TTN: variants seen among roughly 807,000 people sequenced by gnomAD.
TTN encodes the protein connectin.
Under a neutral mutation model 3,223.0 loss-of-function variants are expected in TTN, and 1,525 were observed. The observed-to-expected ratio is 0.47, with a 90% CI of 0.45 to 0.49. The LOEUF (loss-of-function observed/expected upper bound fraction) is 0.49, where lower values mean the gene tolerates loss of function less well. TTN is among the 20% of genes least tolerant of loss of function. TTN has a pLI of 0.00. For synonymous variants in TTN, 14,094 were observed against 15,161.0 expected, an observed-to-expected ratio of 0.93 and a Z score of 5.17; for missense variants, 40,786 against 43,424.0, an observed-to-expected ratio of 0.94 and a Z score of 5.40.
intron 135 of TTN, 94 bp from the exon 136 acceptor site, chr2:178,681,832 T>C (rs1303364525): frequency 2.7e-6 from 3 of 1,094,302 alleles, no homozygotes; most frequent in Non-Finnish European, 3.9e-6. Flanking sequence ...TAATATCTTT[T>C]ATCTACAGTA....
Position 178,649,829 on chromosome 2 carries a change from G to A in TTN, c.39883C>T (p.Pro13295Ser). ...TTAACATGAGTACCTTTAGGAGGCG[G>A]TGCTTCTGGTTTTTTGATGACAGGA... ...KVPVIKKPEA[P>S]PPKEPEMPKK... Residue 13295 changes from proline (P) to serine (S), a missense_variant, in exon 211 of 363, where the codon CCG (proline) becomes TCG (serine). Pro to Ser is a moderately conservative substitution (Grantham distance 74). Coordinates refer to ENST00000589042, the MANE Select transcript of TTN (RefSeq NM_001267550.2). 1.2e-6 allele frequency: 2 copies of A among 1,612,494 alleles called. No individual in the cohort carries two copies. The highest frequency in any genetic ancestry group is 1.1e-5 in the South Asian group (1 of 90,628).
chr2:178,739,691 C>A lies in TTN; in HGVS notation c.13542G>T (p.Gln4514His). 6.2e-7 allele frequency: 1 copy of A among 1,613,918 alleles called. No homozygotes were observed. The highest frequency in any genetic ancestry group is 8.5e-7 in the Non-Finnish European group (1 of 1,179,830). Residue 4514 changes from glutamine to histidine, a missense_variant, in exon 48 of 363, where the codon CAG becomes CAT. Gln to His is a conservative substitution (Grantham distance 24, BLOSUM62 0). Transcript: ENST00000589042. ...QEEMDSFSGS[Q>H]KVEPITEPEV... Reference sequence around the variant, plus strand: ...CTGGTTCAGTAATGGGTTCAACCTTCTGTGAACCTGAAAAAGAATCCATTT... The same window carrying A: ...CTGGTTCAGTAATGGGTTCAACCTTATGTGAACCTGAAAAAGAATCCATTT...
rs776641064 is a variant in TTN at position 178,682,855 on chromosome 2, T to G, written c.32936A>C (p.Glu10979Ala). ...TTCTTCCCGTTGTACTGAAACAGCT[T>G]CTTCTTCTAGGGTATAAGCCCTTTC... Reference protein sequence around the residue: ...EKERAYTLEEEAVSVQREEEY... With the variant: ...EKERAYTLEEAAVSVQREEEY... The change falls in exon 135 of 363, where the codon GAA (glutamate) becomes GCA (alanine). Residue 10979 changes from glutamate (E) to alanine (A), a missense_variant. Glu to Ala is a moderately radical substitution (Grantham distance 107, BLOSUM62 -1). Transcript: ENST00000589042. The G allele has an allele frequency of 6.8e-6, 11 of 1,612,568 alleles. No individual in the cohort carries two copies. The highest frequency in any genetic ancestry group is 3.3e-5 in the Admixed American group (2 of 59,902).
rs533088757 is a variant in TTN, at chr2:178,779,481, G to T, written c.3730-19C>A. 8 of 1,411,460 alleles carry T rather than the reference G, an allele frequency of 5.7e-6. No homozygotes were observed. Among genetic ancestry groups the T allele is most frequent in the South Asian group, 3.6e-5 (3 of 84,360 alleles). The allele number at this position is 1,411,460 out of a possible 1,614,324, so 87.4% of individuals were successfully genotyped here. A position where few individuals can be genotyped will look rare whatever the true frequency, so the allele number is the denominator to read the frequency against. Reference sequence around the variant, plus strand: ...GGAATTCCTATGCAAAAAGATTATGGTCTGTTAAAAATACATATCCTTACT... The same window carrying T: ...GGAATTCCTATGCAAAAAGATTATGTTCTGTTAAAAATACATATCCTTACT... On this transcript the variant is annotated intron_variant, in intron 22 of 362. Coordinates refer to ENST00000589042, the MANE Select transcript of TTN (RefSeq NM_001267550.2).
chr2:178,706,730 G>C lies in TTN; in HGVS notation c.29144C>G (p.Ala9715Gly), dbSNP rs533172128. 46 of 1,607,972 alleles carry C rather than the reference G, an allele frequency of 2.9e-5. No homozygotes were observed. The highest frequency in any genetic ancestry group is 3.7e-5 in the Non-Finnish European group (43 of 1,176,790). ...QSIRVVEKTT[A>G]TFIAKVGGDP... Reference sequence around the variant, plus strand: ...ACCTCCAACTTTTGCAATGAAGGTCGCAGTGGTTTCTAAGGAATAATGAAA... The same window carrying C: ...ACCTCCAACTTTTGCAATGAAGGTCCCAGTGGTTTCTAAGGAATAATGAAA... The change falls in exon 102 of 363, where the codon GCG becomes GGG. Residue 9715 changes from alanine (A) to glycine (G), a missense_variant. By Grantham distance (60) the Ala-to-Gly change is moderately conservative. Coordinates refer to ENST00000589042, the MANE Select transcript of TTN (RefSeq NM_001267550.2).
At position 178,770,311 on chromosome 2, in the gene TTN, A is replaced by G. The variant is rs1561222466; in HGVS notation, c.8390T>C (p.Ile2797Thr). ...SARLHVETVK[I>T]IKKPKDVTAL... ...TGTCACATCCTTTGGCTTTTTAATGATCTTGACAGCTAAGAGGAAAATTGG... is the reference window on the plus strand; with the variant it reads ...TGTCACATCCTTTGGCTTTTTAATGGTCTTGACAGCTAAGAGGAAAATTGG... The change falls in exon 36 of 363, where the codon ATC becomes ACC. Residue 2797 changes from isoleucine (I) to threonine (T), a missense_variant. Transcript: ENST00000589042. 6.2e-7 allele frequency: 1 copy of G among 1,614,152 alleles called. No individual in the cohort carries two copies. The highest frequency in any genetic ancestry group is 8.5e-7 in the Non-Finnish European group (1 of 1,180,016).
At chr2:178,742,095 C>T (rs1258299162) in intron 47 of TTN, among the ~76,000 whole-genome samples, 174 bp from the exon 48 acceptor site, 1 of 151,970 alleles carries the variant, frequency 6.6e-6, no homozygotes, top group Non-Finnish European at 1.5e-5. Context: ...CTTAGCTTAA[C>T]ATATAAAATT....
At chr2:178,736,487 G>T (rs1342260633) in intron 49 of TTN, among the ~76,000 whole-genome samples, 1 of 152,148 alleles carries the variant, frequency 6.6e-6, no homozygotes, top group Non-Finnish European at 1.5e-5. Flanking sequence ...TAAGAAGATT[G>T]AAGTAGTTTT....
At position 178,718,833 on chromosome 2, in the gene TTN, A is replaced by G. The variant is rs1407865752; in HGVS notation, c.24367T>C (p.Ser8123Pro). 6.2e-7 allele frequency: 1 copy of G among 1,613,486 alleles called. No homozygotes were observed. The highest frequency in any genetic ancestry group is 2.2e-5 in the East Asian group (1 of 44,836). ...AAATCTTCCAGAGAGATGTTGCATG[A>G]CTCCCCAGGCACCAGTTCCCTGCTG... ...KGSRELVPGE[S>P]CNISLEDFVT... Residue 8123 changes from serine to proline, a missense_variant, in exon 84 of 363, where the codon TCA (serine) becomes CCA (proline). Physicochemically the swap from Ser to Pro is moderately conservative, Grantham distance 74. Coordinates refer to ENST00000589042, the MANE Select transcript of TTN (RefSeq NM_001267550.2).
Position 178,561,830 on chromosome 2 carries a change from G to A in TTN, c.84302C>T (p.Thr28101Ile), listed in dbSNP as rs1483336920. 3.1e-6 allele frequency: 5 copies of A among 1,613,558 alleles called. No homozygotes were observed. The highest frequency in any genetic ancestry group is 4.2e-6 in the Non-Finnish European group (5 of 1,179,764). The change falls in exon 326 of 363, where the codon ACA (threonine) becomes ATA (isoleucine). Residue 28101 changes from threonine to isoleucine, a missense_variant. Coordinates refer to ENST00000589042, the MANE Select transcript of TTN (RefSeq NM_001267550.2). ...IVEKKETTST[T>I]WHIVSQAVAR... ...AACTGCTTGTGAAACTATGTGCCAT[G>A]TTGTAGAGGTGGTTTCTTTCTTTTC...
At position 178,588,700 on chromosome 2, in the gene TTN, G is replaced by A. The variant is rs368452607; in HGVS notation, c.63025C>T (p.Arg21009Ter). ...FLEKKEKHST[R>*]WVPVNKSAIP... is the part of the protein sequence containing the mutation. Reference sequence around the variant, plus strand: ...GCACTCTTGTTGACAGGGACCCATCGTGTTGAATGCTTTTCCTTTTTCTCC... The same window carrying A: ...GCACTCTTGTTGACAGGGACCCATCATGTTGAATGCTTTTCCTTTTTCTCC... The change falls in exon 304 of 363, where the codon CGA becomes TGA. Residue 21009 changes from arginine (R) to a stop codon, truncating the protein, a stop_gained. Coordinates refer to ENST00000589042, the MANE Select transcript of TTN (RefSeq NM_001267550.2). LOFTEE classifies it high-confidence loss of function. 11 of 1,613,246 alleles carry A rather than the reference G, an allele frequency of 6.8e-6. No homozygotes were observed. The highest frequency in any genetic ancestry group is 1.1e-5 in the South Asian group (1 of 91,030).
rs373130280 is a variant in TTN at position 178,571,502 on chromosome 2, C to T, written c.74630G>A (p.Cys24877Tyr). The change falls in exon 326 of 363, where the codon TGT (cysteine) becomes TAT (tyrosine). Residue 24877 changes from cysteine (C) to tyrosine (Y), a missense_variant. Cys to Tyr is a radical substitution (Grantham distance 194). Coordinates refer to ENST00000589042, the MANE Select transcript of TTN (RefSeq NM_001267550.2). ...TIKACRLKTG[C>Y]EYQFRIAAEN... ...AGCTGCAATTCTAAACTGATATTCA[C>T]ATCCAGTCTTCAGTCTGCAAGCCTT... is the stretch of plus-strand genomic sequence containing the variant. 3.0e-5 allele frequency: 48 copies of T among 1,613,300 alleles called. No homozygotes were observed. The highest frequency in any genetic ancestry group is 3.9e-5 in the Non-Finnish European group (46 of 1,179,570).
Position 178,734,041 on chromosome 2 carries a change from A to G in TTN, c.15497-149T>C, listed in dbSNP as rs2081010316. 3.3e-6 allele frequency: 3 copies of G among 921,162 alleles called. No homozygotes were observed. The South Asian group carries it at 7.8e-5, about 24-fold the overall frequency. 57.1% of individuals were successfully genotyped at this position (921,162 alleles called of 1,614,324 possible). On this transcript the variant is annotated intron_variant, in intron 52 of 362. Coordinates refer to ENST00000589042, the MANE Select transcript of TTN (RefSeq NM_001267550.2). ...ATTAGAAGAAGAAATAAAAGTTAAGAATAATTATAATTCCATCCAAGAGAC... is the reference window on the plus strand; with the variant it reads ...ATTAGAAGAAGAAATAAAAGTTAAGGATAATTATAATTCCATCCAAGAGAC...
chr2:178,598,154 T>G (rs1207901071), intron 292 of TTN, 96 bp from the exon 293 acceptor site: 14 of 1,370,746 alleles, frequency 1.0e-5, no homozygotes, highest in Non-Finnish European at 1.4e-5. Flanking sequence ...CCTATTTAAC[T>G]GTTTACTCTG....
In TTN at chr2:178,768,783, G is replaced by A. The variant is rs761555504; in HGVS notation, c.9053C>T (p.Thr3018Ile). 2 of 1,613,946 alleles carry A rather than the reference G, an allele frequency of 1.2e-6. No homozygotes were observed. The highest frequency in any genetic ancestry group is 1.7e-6 in the Non-Finnish European group (2 of 1,179,946). Residue 3018 changes from threonine to isoleucine, a missense_variant, in exon 38 of 363, where the codon ACC (threonine) becomes ATC (isoleucine). Transcript: ENST00000589042. ...IKSTDKCQMR[T>I]KKLTHSLNIR... ...GTTCAGTGAGTGTGTGAGCTTTTTG[G>A]TTCTCATCTGGCACTTGTCAGTTGA...
rs778611558 is a variant in TTN at position 178,718,173 on chromosome 2, C to G, written c.24833G>C (p.Gly8278Ala). Reference sequence around the variant, plus strand: ...TTTACACTGTAAAGTTGCAGGTTCTCCAATGACTGCTTCCACATGTTCCAG... The same window carrying G: ...TTTACACTGTAAAGTTGCAGGTTCTGCAATGACTGCTTCCACATGTTCCAG... ...EPLEHVEAVI[G>A]EPATLQCKVD... The change falls in exon 86 of 363, where the codon GGA becomes GCA. Residue 8278 changes from glycine to alanine, a missense_variant. Transcript: ENST00000589042. 1.6e-5 allele frequency: 26 copies of G among 1,605,344 alleles called. No individual in the cohort carries two copies. In the Admixed American group the frequency reaches 3.3e-4, roughly 21 times the overall value.
chr2:178,599,034 T>G lies in TTN; in HGVS notation c.56676A>C (p.Thr18892=). ...FSVPGAPDKP[T]VSSVTRNSMT... is the part of the protein sequence containing the mutation. The stretch of plus-strand genomic sequence containing the variant: ...TGGAGTTACGAGTCACGCTGCTAAC[T>G]GTTGGTTTATCTGGTGCTCCAGGGA... The change falls in exon 291 of 363, where the codon ACA becomes ACC. Residue 18892 remains threonine, a synonymous_variant. Transcript: ENST00000589042. 2 of 1,582,360 alleles carry G rather than the reference T, an allele frequency of 1.3e-6. No individual in the cohort carries two copies. The highest frequency in any genetic ancestry group is 1.7e-6 in the Non-Finnish European group (2 of 1,164,380).
At chr2:178,642,614 A>C (rs2742358) in intron 218 of TTN, among the ~76,000 whole-genome samples, 2 of 151,966 alleles carry the variant, frequency 1.3e-5, no homozygotes, top group Non-Finnish European at 2.9e-5. Flanking sequence ...ATCAAATTAC[A>C]GGGTTCTTGA....
At position 178,544,295 on chromosome 2, in the gene TTN, G is replaced by C; in HGVS notation, c.95934C>G (p.Gly31978=). 1 of 1,613,708 alleles carries C rather than the reference G, an allele frequency of 6.2e-7. No homozygotes were observed. The highest frequency in any genetic ancestry group is 8.5e-7 in the Non-Finnish European group (1 of 1,179,724). The change falls in exon 345 of 363, where the codon GGC becomes GGG. Residue 31978 remains glycine (G), a synonymous_variant. Coordinates refer to ENST00000589042, the MANE Select transcript of TTN (RefSeq NM_001267550.2). ...TEFTVPDLKM[G]QKYSFRVAAV... ...CAGCAACTCTGAAGGAATATTTCTG[G>C]CCCATTTTAAGGTCTGGCACAGTGA...
Sources: allele counts gnomAD v4.1 joint callset (sites outside exome capture counted in the v4.1 genomes callset), GRCh38; gene constraint gnomAD v4.1.1; transcripts MANE v1.5; gene names NCBI Gene and HGNC (gene_info 2026-07-23, HGNC 2026-07-21).